CCDC178: variants seen among roughly 807,000 people sequenced by gnomAD.
The protein encoded by CCDC178 is coiled-coil domain-containing protein 178.
CCDC178 carries 126 observed loss-of-function variants against 117.4 expected under a neutral mutation model. That is an observed-to-expected ratio of 1.07 (90% CI 0.93 to 1.24). CCDC178 has a LOEUF of 1.24. Ranked by LOEUF, CCDC178 falls within the 50% of genes most tolerant of loss-of-function variation. The pLI, the probability that CCDC178 is intolerant of heterozygous loss-of-function variation, is 0.00. For missense variants in CCDC178, 1,030 were observed against 986.9 expected (o/e 1.04, Z -0.59); for synonymous variants, 283 against 313.4 (o/e 0.90, Z 1.02).
At chr18:33,247,183 C>T (rs2059561347) in intron 14 of CCDC178, among the ~76,000 whole-genome samples, 1 of 151,358 alleles carries the variant, frequency 6.6e-6, no homozygotes, top group Non-Finnish European at 1.5e-5. Flanking sequence ...AAAAAGGACA[C>T]CAAAACATAT....
At chr18:33,385,161 G>A (rs1455073032) in intron 5 of CCDC178, among the ~76,000 whole-genome samples, 2 of 152,178 alleles carry the variant, frequency 1.3e-5, no homozygotes, top group East Asian at 1.9e-4. Context: ...AACAAGAAGA[G>A]CTGACTATCC....
chr18:33,321,208 A>G (rs1446326520), intron 11 of CCDC178, among the ~76,000 whole-genome samples: 1 of 152,198 alleles, frequency 6.6e-6, no homozygotes, highest in Admixed American at 6.5e-5. Flanking sequence ...AAACACCAAA[A>G]GCGTGGCAAC....
chr18:33,095,507 G>T (rs935405771), intron 20 of CCDC178, among the ~76,000 whole-genome samples: 5 of 151,880 alleles, frequency 3.3e-5, no homozygotes, highest in Non-Finnish European at 7.4e-5. Context: ...TAGATTGTAG[G>T]TTCCATGAGG....
chr18:33,227,558 A>G (rs8084634), intron 15 of CCDC178, among the ~76,000 whole-genome samples: 5,194 of 27,676 alleles, frequency 0.19, 91 homozygotes, highest in East Asian at 0.26. Context: ...GTGTGTGTGT[A>G]TATATATATA....
chr18:32,965,552 T>C (rs2054793504), intron 22 of CCDC178, among the ~76,000 whole-genome samples: 1 of 151,958 alleles, frequency 6.6e-6, no homozygotes, highest in Admixed American at 6.6e-5. Context: ...AATGGGTATT[T>C]ACATTGCCTT....
intron 20 of CCDC178, among the ~76,000 whole-genome samples, chr18:33,171,554 C>T (rs576864406): frequency 6.6e-6 from 1 of 152,318 alleles, no homozygotes; most frequent in Non-Finnish European, 1.5e-5. Context: ...GAATGGATTA[C>T]TGAATCGCAG....
intron 21 of CCDC178, among the ~76,000 whole-genome samples, chr18:33,007,518 G>A (rs73415443): frequency 0.1 from 15,757 of 151,922 alleles, 1,125 homozygotes; most frequent in African/African-American, 0.2. Context: ...TTGTCTCACT[G>A]TCATCACTAA....
intron 7 of CCDC178, among the ~76,000 whole-genome samples, chr18:33,351,751 T>C (rs1174202149): frequency 6.6e-6 from 1 of 151,584 alleles, no homozygotes; most frequent in African/African-American, 2.4e-5. Flanking sequence ...TGGGTTTTGA[T>C]TATGTTGCCT....
At chr18:33,138,770 C>A (rs1400863241) in intron 20 of CCDC178, among the ~76,000 whole-genome samples, 1 of 151,982 alleles carries the variant, frequency 6.6e-6, no homozygotes, top group Non-Finnish European at 1.5e-5. Flanking sequence ...TCATTTAAAC[C>A]CAGTTTTGTC....
At chr18:33,033,011 G>A (rs1303488947) in intron 21 of CCDC178, among the ~76,000 whole-genome samples, 2 of 151,960 alleles carry the variant, frequency 1.3e-5, no homozygotes, top group Non-Finnish European at 2.9e-5. Flanking sequence ...TACTTCACAA[G>A]GCTGTTTGCT....
chr18:33,030,532 G>GATAGATACATAGATAC (rs1230971318), intron 21 of CCDC178, among the ~76,000 whole-genome samples: 1 of 151,212 alleles, frequency 6.6e-6, no homozygotes, highest in African/African-American at 2.4e-5. Flanking sequence ...AAGATAGATA[G>GATAGATACATAGATAC]ATAGATAGAT....
At chr18:33,123,385 C>A (rs1032586514) in intron 20 of CCDC178, among the ~76,000 whole-genome samples, 5 of 152,092 alleles carry the variant, frequency 3.3e-5, no homozygotes, top group Non-Finnish European at 7.4e-5. Context: ...CCAGGGCATG[C>A]TTTTCAGCTT....
chr18:33,063,400 T>C (rs1159236272), intron 21 of CCDC178, among the ~76,000 whole-genome samples: 5 of 152,080 alleles, frequency 3.3e-5, no homozygotes, highest in Non-Finnish European at 5.9e-5. Flanking sequence ...TAAACTCTGT[T>C]CAGGGGCCTG....
rs192764684 is a variant in CCDC178 at position 33,193,947 on chromosome 18, A to T, written c.2238+17949T>A. On this transcript the variant is annotated intron_variant, in intron 20 of 22. Transcript: ENST00000383096. Reference sequence around the variant, plus strand: ...ATAACACTTGTGTGTCTGCATCATCACATGGAGGAAGGCAGACAGGCAGAG... The same window carrying T: ...ATAACACTTGTGTGTCTGCATCATCTCATGGAGGAAGGCAGACAGGCAGAG... 1.1e-3 allele frequency among the ~76,000 whole-genome samples: 167 copies of T among 152,328 alleles called. 2 individuals carry two copies. Among genetic ancestry groups the T allele is most frequent in the Non-Finnish European group, 7.3e-5 (5 of 68,044 alleles).
At chr18:33,319,698 T>C in intron 11 of CCDC178, among the ~76,000 whole-genome samples, 1 of 152,140 alleles carries the variant, frequency 6.6e-6, no homozygotes, top group Non-Finnish European at 1.5e-5. Context: ...TCCTGTCCAG[T>C]ACCTGTTTCC....
At chr18:33,092,682 C>T (rs2057485225) in intron 21 of CCDC178, 79 bp downstream of exon 21, 2 of 965,474 alleles carry the variant, frequency 2.1e-6, no homozygotes, top group Non-Finnish European at 1.6e-6. Context: ...ATCAGAGGCA[C>T]CCAAACTGAC....
intron 21 of CCDC178, among the ~76,000 whole-genome samples, chr18:33,076,647 T>C (rs1270995744): frequency 6.6e-6 from 1 of 152,232 alleles, no homozygotes; most frequent in African/African-American, 2.4e-5. Flanking sequence ...CCTTAAATCT[T>C]CCAAAACTTC....
At position 33,117,348 on chromosome 18, in the gene CCDC178, G is replaced by A. The variant is rs79966397; in HGVS notation, c.2239-24438C>T. Among the ~76,000 whole-genome samples the A allele has an allele frequency of 1.4e-3, 219 of 152,130 alleles. 2 individuals are homozygous for A. The East Asian group carries it at 0.02, about 14-fold the overall frequency. On this transcript the variant is annotated intron_variant, in intron 20 of 22. Coordinates refer to ENST00000383096, the MANE Select transcript of CCDC178 (RefSeq NM_001105528.4). ...GTTTATGGCAATTAATGGGATGGAG[G>A]TTATGCATGGGCTCAGCAACATTGA...
intron 20 of CCDC178, among the ~76,000 whole-genome samples, chr18:33,187,792 CAA>C (rs1255364629): frequency 2.6e-5 from 4 of 152,048 alleles, no homozygotes; most frequent in Non-Finnish European, 5.9e-5. Context: ...TATCTAAACC[CAA>C]GACCCAAAGT....
Sources: gnomAD v4.1 joint callset for allele counts (sites outside exome capture counted in the v4.1 genomes callset) on GRCh38, gnomAD v4.1.1 for gene constraint, MANE v1.5 for transcripts, NCBI Gene and HGNC (gene_info 2026-07-23, HGNC 2026-07-21) for gene names.